The following PLXNC1 variants were observed in gnomAD, a reference collection of about 807,000 sequenced individuals.
PLXNC1 encodes plexin C1, also known as plexin-C1.
Under a neutral mutation model 178.2 loss-of-function variants are expected in PLXNC1, and 75 were observed. The observed-to-expected ratio is 0.42, with a 90% CI of 0.35 to 0.51. The LOEUF is 0.51. PLXNC1 is among the 20% of genes least tolerant of loss of function. The probability of loss-of-function intolerance (pLI) is 0.02; values close to 1 mark genes in which losing one functional copy is unlikely to be tolerated. For synonymous variants in PLXNC1, 790 were observed against 779.9 expected (o/e 1.01, Z -0.22); for missense variants, 1,503 against 1,984.4 (o/e 0.76, Z 4.61).
At chr12:94,237,558 G>A (rs751215679) in intron 9 of PLXNC1, 106 bp from the exon 10 acceptor site, 7 of 910,082 alleles carry the variant, frequency 7.7e-6, no homozygotes, top group African/African-American at 6.7e-5. Flanking sequence ...GCAAAATGTT[G>A]TAATTTCCCA....
chr12:94,182,423 A>G (rs1962342635), intron 3 of PLXNC1, among the ~76,000 whole-genome samples: 1 of 147,602 alleles, frequency 6.8e-6, no homozygotes, highest in East Asian at 1.9e-4. Context: ...GTCTCAAAAA[A>G]AAAAAAAAAA....
At chr12:94,251,368 T>A in intron 14 of PLXNC1, 58 bp from the exon 15 acceptor site, 2 of 999,368 alleles carry the variant, frequency 2.0e-6, no homozygotes. Context: ...GGGGAAATTA[T>A]GTAAATAAAT....
At chr12:94,285,873 AGCT>A (rs1381963973) in intron 23 of PLXNC1, among the ~76,000 whole-genome samples, 2 of 152,172 alleles carry the variant, frequency 1.3e-5, no homozygotes, top group Non-Finnish European at 2.9e-5. Context: ...TGTCTTGCTC[AGCT>A]GTGCCTCCCC....
chr12:94,177,219 GTATATATATACATATATATATA>G (rs1962123212), intron 2 of PLXNC1, among the ~76,000 whole-genome samples: 5 of 88,450 alleles, frequency 5.7e-5, no homozygotes, highest in East Asian at 6.3e-4. Flanking sequence ...ATATGTGTGT[GTATATATATACATATATATATA>G]TATATATATA....
intron 23 of PLXNC1, among the ~76,000 whole-genome samples, chr12:94,283,357 G>C (rs573388592): frequency 2.0e-4 from 30 of 152,024 alleles, no homozygotes; most frequent in African/African-American, 7.3e-4. Flanking sequence ...AACTTGAGAG[G>C]GGCAATGGAG....
chr12:94,158,132 A>C (rs1359024232), intron 1 of PLXNC1: 1 of 152,216 alleles, frequency 6.6e-6, no homozygotes, highest in African/African-American at 2.4e-5. Flanking sequence ...GGCAAGAGAG[A>C]CGTGACCAAA....
chr12:94,214,621 T>A (rs1419034006), intron 5 of PLXNC1, among the ~76,000 whole-genome samples: 1 of 152,184 alleles, frequency 6.6e-6, no homozygotes, highest in Non-Finnish European at 1.5e-5. Context: ...TTAAATGAAG[T>A]GCTGAATGTT....
intron 14 of PLXNC1, among the ~76,000 whole-genome samples, chr12:94,250,072 A>G (rs1221386435): frequency 2.6e-5 from 4 of 152,098 alleles, no homozygotes; most frequent in Non-Finnish European, 5.9e-5. Flanking sequence ...CTGGGGTAGA[A>G]CGTTCTAGGC....
chr12:94,209,498 A>G, intron 4 of PLXNC1, 92 bp from the exon 5 acceptor site: 1 of 735,504 alleles, frequency 1.4e-6, no homozygotes, highest in East Asian at 2.5e-5. Context: ...ACTGAAGCCA[A>G]GTATAAGAAA....
At chr12:94,265,679 C>T (rs753259916) in intron 21 of PLXNC1, among the ~76,000 whole-genome samples, 1 of 152,168 alleles carries the variant, frequency 6.6e-6, no homozygotes, top group African/African-American at 2.4e-5. Flanking sequence ...TGCAACGTGA[C>T]GCCCTTTATT....
intron 4 of PLXNC1, among the ~76,000 whole-genome samples, chr12:94,201,747 ACTTTTTTTTTTT>A (rs1963125989): frequency 1.4e-5 from 1 of 73,874 alleles, no homozygotes; most frequent in Non-Finnish European, 2.5e-5. Flanking sequence ...TCTTCCCACT[ACTTTTTTTTTTT>A]TTTTTTTTTT....
chr12:94,217,610 C>T (rs1252493688), intron 5 of PLXNC1, among the ~76,000 whole-genome samples: 1 of 152,154 alleles, frequency 6.6e-6, no homozygotes, highest in African/African-American at 2.4e-5. Flanking sequence ...TGTATGGTAC[C>T]TCCATCCATC....
chr12:94,174,690 G>A (rs895000166), intron 2 of PLXNC1, among the ~76,000 whole-genome samples: 2 of 151,996 alleles, frequency 1.3e-5, no homozygotes, highest in African/African-American at 4.8e-5. Flanking sequence ...TAAGGAATAG[G>A]AGAACTTGGG....
At chr12:94,212,255 C>T (rs1269756021) in intron 5 of PLXNC1, among the ~76,000 whole-genome samples, 2 of 108,088 alleles carry the variant, frequency 1.9e-5, no homozygotes, top group South Asian at 3.1e-4. Context: ...GCCTGGGCGA[C>T]AGAGCGAGAC....
chr12:94,209,568 T>C lies in PLXNC1; in HGVS notation c.1440-22T>C, dbSNP rs1308593651. 2.1e-6 allele frequency: 3 copies of C among 1,447,372 alleles called. No homozygotes were observed. The African/African-American group carries it at 4.2e-5, about 20-fold the overall frequency. The allele number at this position is 1,447,372 out of a possible 1,614,324, so 89.7% of individuals were successfully genotyped here. On this transcript the variant is annotated intron_variant, in intron 4 of 30. Transcript: ENST00000258526. ...AACTAACACACGTATGGGGTCGCTG[T>C]TTTGTTGCCTCGTTTTTTTAGGTGC...
chr12:94,282,337 T>C lies in PLXNC1; in HGVS notation c.3815T>C (p.Ile1272Thr). The change falls in exon 23 of 31, where the codon ATC (isoleucine) becomes ACC (threonine). Residue 1272 changes from isoleucine to threonine, a missense_variant. Transcript: ENST00000258526. ...ACACGACAGAAAGAACTTCTGGACA[T>C]CGACAGTTCCTCCGTGATTCTTGAA... ...MGTRQKELLD[I>T]DSSSVILEDG... The C allele has an allele frequency of 1.2e-6, 2 of 1,614,070 alleles. No homozygotes were observed. The highest frequency in any genetic ancestry group is 1.7e-6 in the Non-Finnish European group (2 of 1,179,910).
At chr12:94,240,445 G>A in intron 10 of PLXNC1, 40 bp from the exon 11 acceptor site, 9 of 1,502,882 alleles carry the variant, frequency 6.0e-6, no homozygotes, top group Non-Finnish European at 8.3e-6. Flanking sequence ...TGTGCTAAGT[G>A]TCTGTGTCAT....
At chr12:94,278,050 T>G (rs1347309982) in intron 21 of PLXNC1, 2 of 455,980 alleles carry the variant, frequency 4.4e-6, no homozygotes, top group African/African-American at 4.0e-5. Context: ...TCTTTCGGCT[T>G]TGGAGCCCCC....
At chr12:94,277,802 C>T in intron 21 of PLXNC1, 1 of 372,564 alleles carries the variant, frequency 2.7e-6, no homozygotes, top group South Asian at 2.0e-5. Context: ...AAGCCTTTCC[C>T]AGCAGCCTGG....
Sources: allele counts gnomAD v4.1 joint callset (sites outside exome capture counted in the v4.1 genomes callset), GRCh38; gene constraint gnomAD v4.1.1; transcripts MANE v1.5; gene names NCBI Gene and HGNC (gene_info 2026-07-23, HGNC 2026-07-21).